The following SAMD3 variants were observed in gnomAD, a reference collection of about 807,000 sequenced individuals.
The protein encoded by SAMD3 is sterile alpha motif domain-containing protein 3.
In SAMD3, 63 loss-of-function variants were observed where a neutral mutation model predicts 58.5. The observed-to-expected ratio is 1.08, with a 90% CI of 0.88 to 1.33. The LOEUF (loss-of-function observed/expected upper bound fraction) is 1.33, where lower values mean the gene tolerates loss of function less well. Among genes scored for constraint, SAMD3 ranks in the 40% most tolerant of loss-of-function variants. The probability of loss-of-function intolerance (pLI) is 0.00; values close to 1 mark genes in which losing one functional copy is unlikely to be tolerated. For missense variants in SAMD3, 604 were observed against 608.4 expected, an observed-to-expected ratio of 0.99 and a Z score of 0.08; for synonymous variants, 220 against 210.3, an observed-to-expected ratio of 1.05 and a Z score of -0.40.
At chr6:130,271,538 C>G (rs900142349) in intron 2 of SAMD3, among the ~76,000 whole-genome samples, 3 of 152,010 alleles carry the variant, frequency 2.0e-5, no homozygotes, top group African/African-American at 7.3e-5. Context: ...TGTAAATACT[C>G]CTTATATATT....
intron 1 of SAMD3, among the ~76,000 whole-genome samples, chr6:130,349,774 A>G (rs1777594506): frequency 6.6e-6 from 1 of 152,244 alleles, no homozygotes; most frequent in Non-Finnish European, 1.5e-5. Flanking sequence ...CAAAAAAAAG[A>G]GAATTTTAGA....
At chr6:130,342,342 C>T (rs1364222940) in intron 1 of SAMD3, among the ~76,000 whole-genome samples, 1 of 152,126 alleles carries the variant, frequency 6.6e-6, no homozygotes, top group Non-Finnish European at 1.5e-5. Flanking sequence ...CATGCATAAA[C>T]TGAGCAGGAG....
At chr6:130,254,806 T>C (rs923161302) in intron 2 of SAMD3, among the ~76,000 whole-genome samples, 1 of 152,206 alleles carries the variant, frequency 6.6e-6, no homozygotes, top group Non-Finnish European at 1.5e-5. Context: ...CCTCTTTGAC[T>C]TTTTGGGAAA....
chr6:130,266,294 A>G (rs147426997), intron 2 of SAMD3, among the ~76,000 whole-genome samples: 3 of 152,284 alleles, frequency 2.0e-5, no homozygotes, highest in Admixed American at 6.5e-5. Context: ...CAGTCTCTCA[A>G]TGTCACTTCA....
rs188447895 is a variant in SAMD3, at chr6:130,245,253, C to T, written c.-187-22440G>A. Among the ~76,000 whole-genome samples, 5 of 152,320 alleles carry T rather than the reference C, an allele frequency of 3.3e-5. No individual in the cohort carries two copies. In the East Asian group the frequency reaches 9.6e-4, roughly 29 times the overall value. On this transcript the variant is annotated intron_variant, in intron 2 of 13. Transcript: ENST00000368134. ...CTGCCAAAGGCAAGTAGAAAATACA[C>T]TGTGATCAGAAATGTCTAGAAGATT...
At chr6:130,278,214 A>C (rs1385568760) in intron 2 of SAMD3, among the ~76,000 whole-genome samples, 2 of 152,198 alleles carry the variant, frequency 1.3e-5, no homozygotes, top group Non-Finnish European at 2.9e-5. Context: ...ACAAGTAGAC[A>C]GCTTCGACTC....
intron 2 of SAMD3, among the ~76,000 whole-genome samples, chr6:130,276,541 G>T (rs1029266223): frequency 1.3e-5 from 2 of 152,094 alleles, no homozygotes; most frequent in East Asian, 1.9e-4. Context: ...AATAATTAAA[G>T]AAGTGTGTTA....
At position 130,228,512 on chromosome 6, in the gene SAMD3, T is replaced by G. The variant is rs140895992; in HGVS notation, c.-187-5699A>C. On this transcript the variant is annotated intron_variant, in intron 2 of 13. Transcript: ENST00000368134. ...TCCAGGGGAGCTTAAAAAAAGCTGA[T>G]ATCCAGCTTCCATATCTGTCCAATT... Among the ~76,000 whole-genome samples, 9 of 152,226 alleles carry G rather than the reference T, an allele frequency of 5.9e-5. No homozygotes were observed. In the East Asian group the frequency reaches 1.7e-3, roughly 29 times the overall value.
Position 130,144,818 on chromosome 6 carries a change from T to A in SAMD3, c.1279-14A>T. ...GGACACTTGCACCTGAAAAAAAGAG[T>A]GGAGTCATTACCATGATACGTAAAA... On this transcript the variant is annotated splice_polypyrimidine_tract_variant and intron_variant, in intron 11 of 11. Transcript: ENST00000439090. 1 of 1,602,698 alleles carries A rather than the reference T, an allele frequency of 6.2e-7. No individual in the cohort carries two copies. Among genetic ancestry groups the A allele is most frequent in the Non-Finnish European group, 8.5e-7 (1 of 1,175,232 alleles).
At chr6:130,145,131 T>C (rs1788499131) in intron 11 of SAMD3, among the ~76,000 whole-genome samples, 1 of 152,064 alleles carries the variant, frequency 6.6e-6, no homozygotes, top group South Asian at 2.1e-4. Flanking sequence ...TGGTGGTGCA[T>C]GCCTATAATC....
intron 1 of SAMD3, among the ~76,000 whole-genome samples, chr6:130,331,519 G>A (rs1024563527): frequency 6.6e-6 from 1 of 152,044 alleles, no homozygotes; most frequent in East Asian, 1.9e-4. Context: ...TCAGGAGTTC[G>A]AGACCAGCCT....
intron 2 of SAMD3, among the ~76,000 whole-genome samples, chr6:130,299,673 T>C (rs929066179): frequency 6.6e-6 from 1 of 152,024 alleles, no homozygotes; most frequent in Non-Finnish European, 1.5e-5. Context: ...AAACAAGAAG[T>C]TGGTTTTTTG....
At chr6:130,334,678 T>C (rs555146234) in intron 1 of SAMD3, among the ~76,000 whole-genome samples, 3 of 152,228 alleles carry the variant, frequency 2.0e-5, no homozygotes, top group Admixed American at 6.5e-5. Context: ...GTTACATGCA[T>C]TTCCAGTATC....
chr6:130,276,636 A>G (rs1774785294), intron 2 of SAMD3, among the ~76,000 whole-genome samples: 1 of 152,178 alleles, frequency 6.6e-6, no homozygotes, highest in Admixed American at 6.5e-5. Context: ...CACTTACATT[A>G]TAATAAGGGT....
At chr6:130,168,078 C>T (rs1250260106) in intron 8 of SAMD3, among the ~76,000 whole-genome samples, 1 of 152,146 alleles carries the variant, frequency 6.6e-6, no homozygotes, top group East Asian at 1.9e-4. Flanking sequence ...CCCCTCTGCT[C>T]AGACCTGCAG....
chr6:130,261,590 G>A (rs181726377), intron 2 of SAMD3, among the ~76,000 whole-genome samples: 2 of 152,312 alleles, frequency 1.3e-5, no homozygotes, highest in East Asian at 3.9e-4. Context: ...TTTGTGGTGT[G>A]TGTGTGGTGT....
intron 2 of SAMD3, among the ~76,000 whole-genome samples, chr6:130,243,770 G>A (rs891194943): frequency 3.3e-5 from 5 of 152,120 alleles, no homozygotes; most frequent in African/African-American, 1.2e-4. Flanking sequence ...GGAATAATTG[G>A]GAAGAATAGT....
chr6:130,192,259 A>G (rs1018325013), intron 5 of SAMD3, among the ~76,000 whole-genome samples: 1 of 152,232 alleles, frequency 6.6e-6, no homozygotes, highest in East Asian at 1.9e-4. Flanking sequence ...ATTGATAAAG[A>G]TGGTCTGTAG....
chr6:130,268,571 A>G (rs573747180), intron 2 of SAMD3, among the ~76,000 whole-genome samples: 2 of 152,258 alleles, frequency 1.3e-5, no homozygotes, highest in South Asian at 4.1e-4. Flanking sequence ...TGTCCTATAT[A>G]GATGCACCAC....
Sources: allele counts gnomAD v4.1 joint callset (sites outside exome capture counted in the v4.1 genomes callset), GRCh38; gene constraint gnomAD v4.1.1; transcripts MANE v1.5; gene names NCBI Gene and HGNC (gene_info 2026-07-23, HGNC 2026-07-21).